PDGFD: variants seen among roughly 807,000 people sequenced by gnomAD.
PDGFD encodes platelet-derived growth factor D.
In PDGFD, 30 loss-of-function variants were observed where a neutral mutation model predicts 44.7. That is an observed-to-expected ratio of 0.67 (90% confidence interval 0.50 to 0.91). The LOEUF is 0.91. PDGFD is among the 40% of genes least tolerant of loss of function. The pLI, the probability that PDGFD is intolerant of heterozygous loss-of-function variation, is 0.00. For missense variants in PDGFD, 445 were observed against 457.8 expected (o/e 0.97, Z 0.25); for synonymous variants, 173 against 168.4 (o/e 1.03, Z -0.21).
chr11:104,042,577 T>C (rs935651297), intron 1 of PDGFD, among the ~76,000 whole-genome samples: 65 of 152,346 alleles, frequency 4.3e-4, no homozygotes, highest in Admixed American at 4.1e-3. Flanking sequence ...TTTTAGAGCA[T>C]CACTATACAA....
rs184747624 is a variant in PDGFD at position 103,937,878 on chromosome 11, C to T, written c.772+5574G>A. Reference sequence around the variant, plus strand: ...TTCATCCATGTCCCTACAAAGGACACGAACTCATCATTTTTTATGGCTGCA... The same window carrying T: ...TTCATCCATGTCCCTACAAAGGACATGAACTCATCATTTTTTATGGCTGCA... On this transcript the variant is annotated intron_variant, in intron 5 of 6. Coordinates refer to ENST00000393158, the MANE Select transcript of PDGFD (RefSeq NM_025208.5). Among the ~76,000 whole-genome samples, 1,157 of 151,450 alleles carry T rather than the reference C, an allele frequency of 7.6e-3. 4 individuals are homozygous for T. The highest frequency in any genetic ancestry group is 0.012 in the Non-Finnish European group (844 of 67,754).
intron 1 of PDGFD, among the ~76,000 whole-genome samples, chr11:104,108,013 T>C (rs993066466): frequency 1.3e-5 from 2 of 152,110 alleles, no homozygotes; most frequent in Non-Finnish European, 2.9e-5. Context: ...ATAGAAATAT[T>C]AAATGGACTT....
intron 1 of PDGFD, among the ~76,000 whole-genome samples, chr11:104,117,036 A>T (rs943422732): frequency 6.6e-6 from 1 of 151,954 alleles, no homozygotes; most frequent in Non-Finnish European, 1.5e-5. Context: ...ATCCATGAGG[A>T]TCAAGTAGGT....
intron 1 of PDGFD, among the ~76,000 whole-genome samples, chr11:104,118,573 A>G (rs1056228363): frequency 4.0e-5 from 6 of 150,784 alleles, no homozygotes; most frequent in African/African-American, 1.2e-4. Flanking sequence ...CATGTTAAAA[A>G]GGAGTAGTGA....
In PDGFD at chr11:103,943,631, G is replaced by A. The variant is rs1858624376; in HGVS notation, c.593C>T (p.Pro198Leu). The change falls in exon 5 of 7, where the codon CCA becomes CTA. Residue 198 changes from proline (P) to leucine (L), a missense_variant. Pro to Leu is a moderately conservative substitution (Grantham distance 98). Coordinates refer to ENST00000393158, the MANE Select transcript of PDGFD (RefSeq NM_025208.5). Reference sequence around the variant, plus strand: ...AATCAGAGTGGGATCCGTTACTGATGGAGAGTTATAGGATACCCCCTAAGA... The same window carrying A: ...AATCAGAGTGGGATCCGTTACTGATAGAGAGTTATAGGATACCCCCTAAGA... ...SSISGVSYNS[P>L]SVTDPTLIAD... The A allele has an allele frequency of 6.2e-7, 1 of 1,612,710 alleles. No homozygotes were observed. Among genetic ancestry groups the A allele is most frequent in the Non-Finnish European group, 8.5e-7 (1 of 1,179,294 alleles).
At chr11:103,955,032 C>T (rs1858817211) in intron 3 of PDGFD, among the ~76,000 whole-genome samples, 2 of 149,328 alleles carry the variant, frequency 1.3e-5, no homozygotes, top group Non-Finnish European at 3.0e-5. Context: ...GGCGTAGTGG[C>T]GGGCGCCTGT....
intron 1 of PDGFD, among the ~76,000 whole-genome samples, chr11:104,160,314 G>A (rs1274557071): frequency 1.3e-5 from 2 of 152,122 alleles, no homozygotes; most frequent in South Asian, 2.1e-4. Context: ...CTTTCTACAC[G>A]CAACAAAAGG....
chr11:104,099,202 G>C (rs571913509), intron 1 of PDGFD, among the ~76,000 whole-genome samples: 16 of 152,282 alleles, frequency 1.1e-4, no homozygotes, highest in Admixed American at 1.3e-4. Context: ...AGTCTTGACA[G>C]TAGGAAGGAC....
chr11:103,934,909 C>T (rs373858387), intron 5 of PDGFD, among the ~76,000 whole-genome samples: 24 of 152,144 alleles, frequency 1.6e-4, no homozygotes, highest in African/African-American at 5.3e-4. Flanking sequence ...TCTCTCAGCA[C>T]CAGCAGGGCC....
intron 1 of PDGFD, among the ~76,000 whole-genome samples, chr11:104,052,905 G>A (rs1040053001): frequency 1.7e-5 from 2 of 119,284 alleles, no homozygotes; most frequent in African/African-American, 7.8e-5. Context: ...AGACTCTGTA[G>A]GATTTTTATT....
intron 1 of PDGFD, among the ~76,000 whole-genome samples, chr11:104,041,724 G>A (rs776728476): frequency 6.6e-6 from 1 of 152,204 alleles, no homozygotes. Context: ...GAAGATGGAT[G>A]TTGTTTGAGA....
At position 103,907,633 on chromosome 11, in the gene PDGFD, C is replaced by G. The variant is rs1857956497; in HGVS notation, c.*2061G>C. The G allele has an allele frequency of 6.6e-6, 1 of 152,172 alleles. No individual in the cohort carries two copies. Among genetic ancestry groups the G allele is most frequent in the Non-Finnish European group, 1.5e-5 (1 of 68,022 alleles). 9.4% of individuals were successfully genotyped at this position (152,172 alleles called of 1,614,324 possible). On this transcript the variant is annotated 3_prime_UTR_variant, in exon 7 of 7. Coordinates refer to ENST00000393158, the MANE Select transcript of PDGFD (RefSeq NM_025208.5). The stretch of plus-strand genomic sequence containing the variant: ...TAACTGAAAACCTTGCTGGTTATTG[C>G]AGCCTGGAAGGTTTATTGAAAACTG...
intron 3 of PDGFD, among the ~76,000 whole-genome samples, chr11:103,950,839 A>C (rs1037792968): frequency 6.6e-6 from 1 of 152,206 alleles, no homozygotes; most frequent in Non-Finnish European, 1.5e-5. Context: ...GGGTGGTTCT[A>C]TGAGGACACC....
intron 1 of PDGFD, among the ~76,000 whole-genome samples, chr11:104,020,590 C>G (rs535656247): frequency 1.6e-4 from 25 of 152,158 alleles, no homozygotes; most frequent in African/African-American, 5.1e-4. Flanking sequence ...ATAGAAGAGG[C>G]AGTGGAAAAC....
intron 3 of PDGFD, among the ~76,000 whole-genome samples, chr11:103,974,542 T>C (rs1377569791): frequency 6.6e-6 from 1 of 152,134 alleles, no homozygotes; most frequent in Non-Finnish European, 1.5e-5. Context: ...ACACGTGCCA[T>C]GGTGGTTTGT....
At chr11:103,986,764 A>G (rs1859371475) in intron 3 of PDGFD, among the ~76,000 whole-genome samples, 1 of 152,222 alleles carries the variant, frequency 6.6e-6, no homozygotes, top group African/African-American at 2.4e-5. Context: ...TCTTTACAGG[A>G]CTAAGAAATT....
chr11:103,968,181 C>T (rs1859049506), intron 3 of PDGFD, among the ~76,000 whole-genome samples: 1 of 152,124 alleles, frequency 6.6e-6, no homozygotes, highest in Admixed American at 6.6e-5. Context: ...CTCTTGAGTG[C>T]CTTCTTTTAA....
At chr11:104,041,552 G>A (rs1860353148) in intron 1 of PDGFD, among the ~76,000 whole-genome samples, 1 of 151,654 alleles carries the variant, frequency 6.6e-6, no homozygotes, top group Non-Finnish European at 1.5e-5. Flanking sequence ...GGATAAAGTA[G>A]GCCACATGAT....
chr11:104,153,324 T>C (rs774849225), intron 1 of PDGFD, among the ~76,000 whole-genome samples: 101 of 152,190 alleles, frequency 6.6e-4, no homozygotes, highest in African/African-American at 2.3e-3. Flanking sequence ...TCAGACCTCA[T>C]TGAGCTTCTC....
Sources: gnomAD v4.1 joint callset for allele counts (sites outside exome capture counted in the v4.1 genomes callset) on GRCh38, gnomAD v4.1.1 for gene constraint, MANE v1.5 for transcripts, NCBI Gene and HGNC (gene_info 2026-07-23, HGNC 2026-07-21) for gene names.